Variants in TTC9 observed in about 807,000 individuals in gnomAD.
The protein encoded by TTC9 is tetratricopeptide repeat protein 9A.
Under a neutral mutation model 22.9 loss-of-function variants are expected in TTC9, and 13 were observed. The ratio of observed to expected loss-of-function variants is 0.57; its 90% CI spans 0.37 to 0.90. The LOEUF (loss-of-function observed/expected upper bound fraction) is 0.90, where lower values mean the gene tolerates loss of function less well. Ranked by LOEUF, TTC9 falls within the 40% of genes least tolerant of loss-of-function variation. The probability of loss-of-function intolerance (pLI) is 0.01; values close to 1 mark genes in which losing one functional copy is unlikely to be tolerated. For synonymous variants in TTC9, 148 were observed against 133.2 expected, an observed-to-expected ratio of 1.11 and a Z score of -0.77; for missense variants, 280 against 291.8, an observed-to-expected ratio of 0.96 and a Z score of 0.29.
intron 1 of TTC9, among the ~76,000 whole-genome samples, chr14:70,645,201 T>C (rs1350561943): frequency 1.3e-5 from 2 of 152,354 alleles, no homozygotes; most frequent in Middle Eastern, 3.4e-3. Context: ...ATAAAATCAG[T>C]GATGACTATT....
In TTC9 at chr14:70,659,132, G is replaced by GCACACACACACACA. The variant is rs71105721; in HGVS notation, c.407-8415_407-8402dup. On this transcript the variant is annotated intron_variant, in intron 1 of 2. Transcript: ENST00000256367. ...TGTATATAACTAAACACACACACAC[G>GCACACACACACACA]CACACACACACACACACACACACAC... is the stretch of plus-strand genomic sequence containing the variant. 2.8e-4 allele frequency among the ~76,000 whole-genome samples: 41 copies of GCACACACACACACA among 144,326 alleles called. 3 individuals carry two copies. The highest frequency in any genetic ancestry group is 1.7e-3 in the Admixed American group (24 of 14,444). 94.7% of individuals were successfully genotyped at this position (144,326 alleles called of 152,430 possible). A position where few individuals can be genotyped will look rare whatever the true frequency, so the allele number is the denominator to read the frequency against.
rs1056634723 is a variant in TTC9 at position 70,667,513 on chromosome 14, C to A, written c.407-51C>A. 64 of 1,600,340 alleles carry A rather than the reference C, an allele frequency of 4.0e-5. No homozygotes were observed. The South Asian group carries it at 6.9e-4, about 17-fold the overall frequency. ...AGAGAAGCAACTCAAGGGAAACATG[C>A]AGAGCTGGCCACTGTTGTGCTGATG... On this transcript the variant is annotated intron_variant, in intron 1 of 2. Coordinates refer to ENST00000256367, the MANE Select transcript of TTC9 (RefSeq NM_015351.2).
At position 70,649,683 on chromosome 14, in the gene TTC9, A is replaced by G. The variant is rs55668458; in HGVS notation, c.406+7148A>G. ...CTGAAATTTCTTTTAATCCATCAAT[A>G]TTCTACTCTTTGAAGCAACACAGAG... On this transcript the variant is annotated intron_variant, in intron 1 of 2. Transcript: ENST00000256367. Among the ~76,000 whole-genome samples, 580 of 152,328 alleles carry G rather than the reference A, an allele frequency of 3.8e-3. 2 individuals are homozygous for G. Among genetic ancestry groups the G allele is most frequent in the Non-Finnish European group, 6.1e-3 (417 of 68,032 alleles).
intron 2 of TTC9, among the ~76,000 whole-genome samples, chr14:70,668,543 A>G (rs1478819174): frequency 3.3e-5 from 5 of 152,178 alleles, no homozygotes; most frequent in Non-Finnish European, 7.3e-5. Context: ...ATAAAGCAGA[A>G]TAAAGAGATC....
intron 2 of TTC9, among the ~76,000 whole-genome samples, chr14:70,668,563 T>C (rs1428784985): frequency 1.3e-5 from 2 of 151,936 alleles, no homozygotes; most frequent in East Asian, 3.9e-4. Flanking sequence ...CAAGAGTAAA[T>C]GGGGGCGCTG....
At chr14:70,658,075 C>T (rs1000246974) in intron 1 of TTC9, among the ~76,000 whole-genome samples, 2 of 152,170 alleles carry the variant, frequency 1.3e-5, no homozygotes, top group East Asian at 1.9e-4. Context: ...TCAGCCAGTC[C>T]GGGTTTCCAC....
chr14:70,666,552 C>T (rs890654024), intron 1 of TTC9, among the ~76,000 whole-genome samples: 1 of 152,106 alleles, frequency 6.6e-6, no homozygotes, highest in African/African-American at 2.4e-5. Flanking sequence ...TTGCTATGTG[C>T]CAAGCCCACA....
In TTC9 at chr14:70,642,424, C is replaced by G. The variant is rs771672160; in HGVS notation, c.295C>G (p.Arg99Gly). ...GLLPPPGERERDSRPASPAGA... is the reference protein window; with the variant it reads ...GLLPPPGEREGDSRPASPAGA... ...GCTGCCGCCCCCCGGGGAACGGGAG[C>G]GGGACTCGCGCCCGGCCTCCCCGGC... The change falls in exon 1 of 3, where the codon CGG (arginine) becomes GGG (glycine). Residue 99 changes from arginine (R) to glycine (G), a missense_variant. By Grantham distance (125) the Arg-to-Gly change is moderately radical. Transcript: ENST00000256367. 6.3e-7 allele frequency: 1 copy of G among 1,584,900 alleles called. No homozygotes were observed. Among genetic ancestry groups the G allele is most frequent in the South Asian group, 1.1e-5 (1 of 87,032 alleles).
chr14:70,669,008 T>C (rs1040143221), intron 2 of TTC9, among the ~76,000 whole-genome samples: 1 of 151,308 alleles, frequency 6.6e-6, no homozygotes, highest in Non-Finnish European at 1.5e-5. Context: ...TACAAAAAAT[T>C]ATCTGGGCAT....
intron 1 of TTC9, among the ~76,000 whole-genome samples, chr14:70,666,312 C>T (rs1184063059): frequency 6.6e-6 from 1 of 152,120 alleles, no homozygotes; most frequent in African/African-American, 2.4e-5. Flanking sequence ...GGAAGCTCTC[C>T]ACCATGAGAC....
chr14:70,666,659 A>G (rs1217047327), intron 1 of TTC9, among the ~76,000 whole-genome samples: 1 of 152,184 alleles, frequency 6.6e-6, no homozygotes, highest in Admixed American at 6.5e-5. Flanking sequence ...CTTAAATCCC[A>G]TCTTTGTCTC....
chr14:70,651,276 C>G (rs1885981737), intron 1 of TTC9, among the ~76,000 whole-genome samples: 1 of 149,590 alleles, frequency 6.7e-6, no homozygotes, highest in Non-Finnish European at 1.5e-5. Flanking sequence ...GCCACTGCAC[C>G]CAGCCTAACT....
chr14:70,642,282 C>G lies in TTC9; in HGVS notation c.153C>G (p.Ala51=), dbSNP rs1174541285. The G allele has an allele frequency of 8.6e-6, 13 of 1,519,370 alleles. No homozygotes were observed. The African/African-American group carries it at 1.6e-4, about 19-fold the overall frequency. 94.1% of individuals were successfully genotyped at this position (1,519,370 alleles called of 1,614,324 possible). A position where few individuals can be genotyped will look rare whatever the true frequency, so the allele number is the denominator to read the frequency against. Residue 51 remains alanine (A), a synonymous_variant, in exon 1 of 3, where the codon GCC becomes GCG. Coordinates refer to ENST00000256367, the MANE Select transcript of TTC9 (RefSeq NM_015351.2). ...RGQVGAAAEP[A]ELIRRAHEFK... is the part of the protein sequence containing the mutation. ...AGGTCGGGGCGGCGGCCGAGCCGGCCGAGCTCATCCGACGAGCGCACGAGT... is the reference window on the plus strand; with the variant it reads ...AGGTCGGGGCGGCGGCCGAGCCGGCGGAGCTCATCCGACGAGCGCACGAGT...
At chr14:70,649,345 G>A (rs1051656921) in intron 1 of TTC9, among the ~76,000 whole-genome samples, 6 of 152,174 alleles carry the variant, frequency 3.9e-5, no homozygotes, top group Non-Finnish European at 8.8e-5. Context: ...TTCCATTAAC[G>A]TTTATTGAGC....
intron 1 of TTC9, among the ~76,000 whole-genome samples, chr14:70,659,132 G>GCGCA (rs762892061): frequency 0.033 from 4,809 of 144,312 alleles, 112 homozygotes; most frequent in South Asian, 0.087. Context: ...ACACACACAC[G>GCGCA]CACACACACA....
At chr14:70,646,599 T>C (rs976739193) in intron 1 of TTC9, among the ~76,000 whole-genome samples, 1 of 152,216 alleles carries the variant, frequency 6.6e-6, no homozygotes. Flanking sequence ...AACCATGGCA[T>C]TGGACCTGAA....
At position 70,667,669 on chromosome 14, in the gene TTC9, G is replaced by T; in HGVS notation, c.512G>T (p.Gly171Val). 1.2e-6 allele frequency: 2 copies of T among 1,613,980 alleles called. No homozygotes were observed. The highest frequency in any genetic ancestry group is 2.2e-5 in the South Asian group (2 of 91,072). The change falls in exon 2 of 3, where the codon GGT (glycine) becomes GTT (valine). Residue 171 changes from glycine (G) to valine (V), a missense_variant. Physicochemically the swap from Gly to Val is moderately radical, Grantham distance 109. This residue lies in a region of TTC9 where 39 missense variants were observed against 67.4 expected (regional missense o/e 0.58). Coordinates refer to ENST00000256367, the MANE Select transcript of TTC9 (RefSeq NM_015351.2). ...AACTTCAAGGCCCTTTACCGGTCTG[G>T]TGTGGCCTTCTACCACCTTGGGGAC... is the stretch of plus-strand genomic sequence containing the variant. Reference protein sequence around the residue: ...GENFKALYRSGVAFYHLGDYD... With the variant: ...GENFKALYRSVVAFYHLGDYD...
intron 2 of TTC9, among the ~76,000 whole-genome samples, chr14:70,670,584 G>T (rs1398781359): frequency 9.9e-5 from 15 of 152,236 alleles, no homozygotes; most frequent in Admixed American, 9.8e-4. Flanking sequence ...GAGAGGTGGA[G>T]TTTGCAGCAA....
chr14:70,646,408 C>T (rs1188371989), intron 1 of TTC9, among the ~76,000 whole-genome samples: 3 of 152,164 alleles, frequency 2.0e-5, no homozygotes, highest in Non-Finnish European at 2.9e-5. Context: ...CCCCTGGGGC[C>T]TTGGAATGTT....
Sources: gnomAD v4.1 joint callset for allele counts (sites outside exome capture counted in the v4.1 genomes callset) on GRCh38, gnomAD v4.1.1 for gene constraint, gnomAD v4.1.1 regional missense constraint, MANE v1.5 for transcripts, NCBI Gene and HGNC (gene_info 2026-07-23, HGNC 2026-07-21) for gene names.